GPC6: variants seen among roughly 807,000 people sequenced by gnomAD.
GPC6 encodes the protein glypican 6.
Under a neutral mutation model 55.2 loss-of-function variants are expected in GPC6, and 14 were observed. The ratio of observed to expected loss-of-function variants is 0.25; its 90% CI spans 0.17 to 0.40. GPC6 has a LOEUF of 0.40. GPC6 is among the 10% of genes least tolerant of loss of function. The probability of loss-of-function intolerance (pLI) is 1.00; values close to 1 mark genes in which losing one functional copy is unlikely to be tolerated. For synonymous variants in GPC6, 278 were observed against 259.6 expected, an observed-to-expected ratio of 1.07 and a Z score of -0.68; for missense variants, 641 against 708.5, an observed-to-expected ratio of 0.90 and a Z score of 1.08.
chr13:93,244,651 T>TC (rs1236768334), intron 1 of GPC6, among the ~76,000 whole-genome samples: 1 of 152,068 alleles, frequency 6.6e-6, no homozygotes, highest in Non-Finnish European at 1.5e-5. Context: ...GTTAAGGAGC[T>TC]CCCCCATGGC....
intron 2 of GPC6, among the ~76,000 whole-genome samples, chr13:93,668,315 G>T (rs1881225440): frequency 6.6e-6 from 1 of 152,128 alleles, no homozygotes; most frequent in Admixed American, 6.5e-5. Context: ...TGTGTAAAAA[G>T]TTGCCACTTA....
chr13:93,959,130 A>T (rs1879645839), intron 3 of GPC6, among the ~76,000 whole-genome samples: 1 of 151,302 alleles, frequency 6.6e-6, no homozygotes, highest in Non-Finnish European at 1.5e-5. Context: ...AAAAAATATA[A>T]TTTGACTACT....
rs1273972573 is a variant in GPC6 at position 93,300,445 on chromosome 13, G to C, written c.160+72829G>C. On this transcript the variant is annotated intron_variant, in intron 1 of 8. Transcript: ENST00000377047. ...GGGCGGATCACGAGGTCAGGAGATTGAGACCATCCTGGCTAACACAGTGAA... is the reference window on the plus strand; with the variant it reads ...GGGCGGATCACGAGGTCAGGAGATTCAGACCATCCTGGCTAACACAGTGAA... Among the ~76,000 whole-genome samples, 8 of 150,404 alleles carry C rather than the reference G, an allele frequency of 5.3e-5. No individual in the cohort carries two copies. In the East Asian group the frequency reaches 1.6e-3, roughly 30 times the overall value.
chr13:93,575,791 T>A (rs1876635121), intron 2 of GPC6, among the ~76,000 whole-genome samples: 1 of 152,188 alleles, frequency 6.6e-6, no homozygotes, highest in Non-Finnish European at 1.5e-5. Flanking sequence ...AGAATAAAAT[T>A]TAAAAATCAA....
chr13:93,407,393 T>TA lies in GPC6; in HGVS notation c.161-137861dup, dbSNP rs201771240. On this transcript the variant is annotated intron_variant, in intron 1 of 8. Coordinates refer to ENST00000377047, the MANE Select transcript of GPC6 (RefSeq NM_005708.5). The stretch of plus-strand genomic sequence containing the variant: ...AAAATTTTTAGATTGCAAAGTTGGG[T>TA]AAAAAAAAACACCAACTCATTGTAT... Among the ~76,000 whole-genome samples the TA allele has an allele frequency of 3.8e-3, 575 of 151,064 alleles. 8 individuals are homozygous for TA. The highest frequency in any genetic ancestry group is 0.012 in the African/African-American group (504 of 41,214).
intron 1 of GPC6, among the ~76,000 whole-genome samples, chr13:93,427,649 A>G (rs1877191836): frequency 6.6e-6 from 1 of 152,144 alleles, no homozygotes; most frequent in East Asian, 1.9e-4. Context: ...ATACTATTTC[A>G]TATCCTCTTC....
chr13:93,627,505 C>G (rs1269229756), intron 2 of GPC6, among the ~76,000 whole-genome samples: 1 of 152,118 alleles, frequency 6.6e-6, no homozygotes, highest in Non-Finnish European at 1.5e-5. Flanking sequence ...TAGGTCGGGT[C>G]ACAGATCCAA....
intron 1 of GPC6, among the ~76,000 whole-genome samples, chr13:93,279,695 C>T (rs990241523): frequency 6.6e-6 from 1 of 152,188 alleles, no homozygotes; most frequent in Non-Finnish European, 1.5e-5. Flanking sequence ...CATAGCTCAT[C>T]TCTCTTCTTT....
chr13:93,892,773 T>C (rs1323066049), intron 3 of GPC6, among the ~76,000 whole-genome samples: 2 of 152,296 alleles, frequency 1.3e-5, no homozygotes, highest in African/African-American at 4.8e-5. Flanking sequence ...TCCATTTCTA[T>C]AAATCAGAAT....
rs370880654 is a variant in GPC6, at chr13:93,716,280, T to C, written c.320-113874T>C. Among the ~76,000 whole-genome samples the C allele has an allele frequency of 5.3e-4, 80 of 151,788 alleles. 2 individuals are homozygous for C. The South Asian group carries it at 0.015, about 28-fold the overall frequency. On this transcript the variant is annotated intron_variant, in intron 2 of 8. Transcript: ENST00000377047. Reference sequence around the variant, plus strand: ...CTACTTATAAAAAATAAAAGTTACTTGTGAAGCAGCCTTAGGCAGGTCCTT... The same window carrying C: ...CTACTTATAAAAAATAAAAGTTACTCGTGAAGCAGCCTTAGGCAGGTCCTT...
intron 1 of GPC6, among the ~76,000 whole-genome samples, chr13:93,372,877 AC>A (rs1874729799): frequency 6.6e-6 from 1 of 152,122 alleles, no homozygotes; most frequent in African/African-American, 2.4e-5. Context: ...TGAAGGACAC[AC>A]TAAACAACTG....
intron 1 of GPC6, among the ~76,000 whole-genome samples, chr13:93,424,085 G>A (rs979879507): frequency 1.4e-4 from 21 of 152,152 alleles, no homozygotes; most frequent in African/African-American, 5.1e-4. Flanking sequence ...GCCCCATGGT[G>A]GGTTCCCTGG....
chr13:93,942,439 C>A (rs1041598158), intron 3 of GPC6, among the ~76,000 whole-genome samples: 1 of 152,162 alleles, frequency 6.6e-6, no homozygotes, highest in African/African-American at 2.4e-5. Flanking sequence ...CCCACCTCAG[C>A]CTCCTGAGGA....
chr13:93,592,217 C>T (rs1877520607), intron 2 of GPC6, among the ~76,000 whole-genome samples: 1 of 151,526 alleles, frequency 6.6e-6, no homozygotes, highest in Non-Finnish European at 1.5e-5. Context: ...TGGAGTGTTG[C>T]TCTGTCAACC....
intron 2 of GPC6, among the ~76,000 whole-genome samples, chr13:93,663,700 A>C (rs1439068070): frequency 1.3e-5 from 2 of 152,220 alleles, no homozygotes; most frequent in East Asian, 3.8e-4. Flanking sequence ...TAATCTAGAC[A>C]ATCTTCCACA....
chr13:94,042,811 T>C (rs1295372855), intron 4 of GPC6, among the ~76,000 whole-genome samples: 3 of 151,956 alleles, frequency 2.0e-5, no homozygotes, highest in Non-Finnish European at 4.4e-5. Flanking sequence ...CAGCTATTAC[T>C]GTAGTATTTG....
At chr13:93,914,184 T>G (rs550563724) in intron 3 of GPC6, among the ~76,000 whole-genome samples, 10 of 152,282 alleles carry the variant, frequency 6.6e-5, no homozygotes, top group African/African-American at 2.4e-4. Context: ...TCATTTAACA[T>G]TAGGTATATC....
intron 4 of GPC6, among the ~76,000 whole-genome samples, chr13:94,053,325 A>T (rs1168743063): frequency 6.6e-6 from 1 of 152,192 alleles, no homozygotes; most frequent in Non-Finnish European, 1.5e-5. Context: ...AAACAACCAG[A>T]GCTAAAACTC....
At chr13:94,199,539 G>A (rs1379663033) in intron 4 of GPC6, among the ~76,000 whole-genome samples, 3 of 152,148 alleles carry the variant, frequency 2.0e-5, no homozygotes, top group African/African-American at 7.2e-5. Flanking sequence ...GGTGGGCAAG[G>A]TAACACAGTG....
Sources: allele counts gnomAD v4.1 joint callset (sites outside exome capture counted in the v4.1 genomes callset), GRCh38; gene constraint gnomAD v4.1.1; transcripts MANE v1.5; gene names NCBI Gene and HGNC (gene_info 2026-07-23, HGNC 2026-07-21).